RFX3: variants seen among roughly 807,000 people sequenced by gnomAD.
The protein encoded by RFX3 is transcription factor RFX3.
RFX3 carries 14 observed loss-of-function variants against 98.6 expected under a neutral mutation model. The observed-to-expected ratio is 0.14, with a 90% CI of 0.09 to 0.22. The LOEUF is 0.22. Among genes scored for constraint, RFX3 ranks in the 10% least tolerant of loss-of-function variants. RFX3 has a pLI of 1.00. For synonymous variants in RFX3, 383 were observed against 328.4 expected (o/e 1.17, Z -1.80); for missense variants, 639 against 926.9 (o/e 0.69, Z 4.03).
intron 1 of RFX3, among the ~76,000 whole-genome samples, chr9:3,481,122 A>T (rs1301407334): frequency 6.6e-6 from 1 of 152,110 alleles, no homozygotes; most frequent in Non-Finnish European, 1.5e-5. Flanking sequence ...ATAATCTATA[A>T]CCCTTACAAT....
rs1214202858 is a variant in RFX3 at position 3,227,548 on chromosome 9, GTGGTTCAGCAC to G, written c.2011+1288_2011+1298del. ...GCGCTACAGGAGTTTACAGAAGACTGTGGTTCAGCACCGTGTGAAGAAGCCTGGCTGGAATT... is the reference window on the plus strand; with the variant it reads ...GCGCTACAGGAGTTTACAGAAGACTGCGTGTGAAGAAGCCTGGCTGGAATT... On this transcript the variant is annotated intron_variant, in intron 16 of 16. Coordinates refer to ENST00000617270, the MANE Select transcript of RFX3 (RefSeq NM_001282116.2). Among the ~76,000 whole-genome samples the G allele has an allele frequency of 8.5e-5, 13 of 152,308 alleles. 1 individual carries two copies. The highest frequency in any genetic ancestry group is 3.1e-4 in the African/African-American group (13 of 41,576).
chr9:3,235,041 C>T (rs1055749360), intron 15 of RFX3, among the ~76,000 whole-genome samples: 1 of 152,206 alleles, frequency 6.6e-6, no homozygotes, highest in Admixed American at 6.5e-5. Flanking sequence ...CAAAGAGAGA[C>T]AGACCAAAGC....
intron 1 of RFX3, among the ~76,000 whole-genome samples, chr9:3,502,700 A>G (rs912255383): frequency 2.0e-5 from 3 of 151,676 alleles, no homozygotes; most frequent in Non-Finnish European, 4.4e-5. Context: ...TATTTTCACG[A>G]TTTTTTTTTC....
At chr9:3,309,832 G>T (rs888083406) in intron 4 of RFX3, among the ~76,000 whole-genome samples, 8 of 152,108 alleles carry the variant, frequency 5.3e-5, no homozygotes, top group Non-Finnish European at 1.0e-4. Context: ...TCATAGGATG[G>T]CCCTTTGTTT....
intron 1 of RFX3, among the ~76,000 whole-genome samples, chr9:3,467,959 G>A (rs990435193): frequency 2.0e-5 from 3 of 152,206 alleles, no homozygotes; most frequent in Non-Finnish European, 4.4e-5. Context: ...CTGGGTATGT[G>A]TCATGGGAAC....
chr9:3,366,099 T>C lies in RFX3; in HGVS notation c.118-19335A>G, dbSNP rs150065691. On this transcript the variant is annotated intron_variant, in intron 2 of 16. Coordinates refer to ENST00000617270, the MANE Select transcript of RFX3 (RefSeq NM_001282116.2). ...ATGTAGGCTCGCAGCAGCTGAGAGATTGTAGAAGCATACTAGCTCCTAAAT... is the reference window on the plus strand; with the variant it reads ...ATGTAGGCTCGCAGCAGCTGAGAGACTGTAGAAGCATACTAGCTCCTAAAT... 7.2e-4 allele frequency among the ~76,000 whole-genome samples: 110 copies of C among 152,078 alleles called. 1 individual carries two copies. The highest frequency in any genetic ancestry group is 2.3e-3 in the African/African-American group (94 of 41,510).
chr9:3,245,177 G>C (rs1319022211), intron 15 of RFX3, among the ~76,000 whole-genome samples: 2 of 152,182 alleles, frequency 1.3e-5, no homozygotes, highest in Non-Finnish European at 2.9e-5. Flanking sequence ...ATATCAGAAA[G>C]ACTTGAACTG....
intron 3 of RFX3, among the ~76,000 whole-genome samples, chr9:3,345,296 A>T (rs933027400): frequency 6.6e-6 from 1 of 152,186 alleles, no homozygotes; most frequent in Non-Finnish European, 1.5e-5. Flanking sequence ...GTCCAAAAAC[A>T]TAGAAGTATG....
intron 2 of RFX3, among the ~76,000 whole-genome samples, chr9:3,390,649 C>T (rs955710413): frequency 6.6e-5 from 10 of 152,094 alleles, no homozygotes; most frequent in Admixed American, 2.0e-4. Context: ...GTGCTGGTCT[C>T]GTGATAGTCA....
At chr9:3,238,040 A>G (rs182156657) in intron 15 of RFX3, among the ~76,000 whole-genome samples, 1 of 152,220 alleles carries the variant, frequency 6.6e-6, no homozygotes, top group East Asian at 1.9e-4. Flanking sequence ...ACTTCCCAAT[A>G]TATGAACAGA....
At chr9:3,471,641 G>C (rs375412441) in intron 1 of RFX3, among the ~76,000 whole-genome samples, 2 of 152,164 alleles carry the variant, frequency 1.3e-5, no homozygotes, top group African/African-American at 4.8e-5. Flanking sequence ...ATCTGTCTAA[G>C]ACTTTTAAGA....
intron 9 of RFX3, 88 bp from the exon 10 acceptor site, chr9:3,271,206 G>A (rs1824385674): frequency 8.9e-7 from 1 of 1,117,720 alleles, no homozygotes; most frequent in Non-Finnish European, 1.3e-6. Context: ...ATTTTATATG[G>A]TCAAGTTCTC....
chr9:3,474,057 T>C lies in RFX3; in HGVS notation c.-9+51690A>G, dbSNP rs1849004406. ...ACCAAAGAATTTGCATGCTATGAAA[T>C]TCCCATGATGCTGAGGCTGCTGGGC... On this transcript the variant is annotated intron_variant, in intron 1 of 16. Coordinates refer to ENST00000617270, the MANE Select transcript of RFX3 (RefSeq NM_001282116.2). 3.3e-5 allele frequency among the ~76,000 whole-genome samples: 5 copies of C among 152,288 alleles called. No individual in the cohort carries two copies. In the South Asian group the frequency reaches 1.0e-3, roughly 32 times the overall value.
intron 1 of RFX3, among the ~76,000 whole-genome samples, chr9:3,403,143 A>T (rs1006180417): frequency 6.6e-6 from 1 of 152,126 alleles, no homozygotes; most frequent in Non-Finnish European, 1.5e-5. Context: ...TCACCTACGA[A>T]TATAAAACAC....
chr9:3,503,997 T>G (rs1326251491), intron 1 of RFX3, among the ~76,000 whole-genome samples: 1 of 151,368 alleles, frequency 6.6e-6, no homozygotes, highest in South Asian at 2.1e-4. Context: ...TTTTTAAGTG[T>G]TTCCAAAGAG....
chr9:3,525,530 A>AC (rs1426577064), intron 1 of RFX3, among the ~76,000 whole-genome samples: 2 of 151,362 alleles, frequency 1.3e-5, no homozygotes, highest in African/African-American at 2.4e-5. Context: ...CGGCGCCCAC[A>AC]CCCCCGACCC....
chr9:3,459,839 T>A (rs1200129255), intron 1 of RFX3, among the ~76,000 whole-genome samples: 2 of 152,128 alleles, frequency 1.3e-5, no homozygotes, highest in Non-Finnish European at 2.9e-5. Context: ...AAAGAGGACA[T>A]CTTCCACTAA....
rs371611701 is a variant in RFX3, at chr9:3,445,215, CTGTT to C, written c.-8-49623_-8-49620del. ...ACATAGTTTTCAAATGTGTATTTGT[CTGTT>C]TGTATTTTTCATAAAGTAAGTTATT... On this transcript the variant is annotated intron_variant, in intron 1 of 16. Coordinates refer to ENST00000617270, the MANE Select transcript of RFX3 (RefSeq NM_001282116.2). 5.2e-3 allele frequency among the ~76,000 whole-genome samples: 777 copies of C among 148,552 alleles called. 9 individuals are homozygous for C. Among genetic ancestry groups the C allele is most frequent in the Admixed American group, 8.1e-3 (121 of 15,026 alleles).
chr9:3,329,530 G>C (rs188242892), intron 4 of RFX3, among the ~76,000 whole-genome samples: 9 of 150,722 alleles, frequency 6.0e-5, no homozygotes, highest in Non-Finnish European at 1.3e-4. Context: ...TCTATGATCA[G>C]AGCCAACACA....
Sources: allele counts gnomAD v4.1 joint callset (sites outside exome capture counted in the v4.1 genomes callset), GRCh38; gene constraint gnomAD v4.1.1; transcripts MANE v1.5; gene names NCBI Gene and HGNC (gene_info 2026-07-23, HGNC 2026-07-21).